The following PCNX1 variants were observed in gnomAD, a reference collection of about 807,000 sequenced individuals.
PCNX1 encodes the protein pecanex 1, also known as pecanex-like protein 1.
PCNX1 carries 78 observed loss-of-function variants against 242.2 expected under a neutral mutation model. The observed-to-expected ratio is 0.32, with a 90% CI of 0.27 to 0.39. PCNX1 has a LOEUF of 0.39. Among genes scored for constraint, PCNX1 ranks in the 10% least tolerant of loss-of-function variants. The probability of loss-of-function intolerance (pLI) is 1.00; values close to 1 mark genes in which losing one functional copy is unlikely to be tolerated. For missense variants in PCNX1, 2,581 were observed against 2,856.5 expected, an observed-to-expected ratio of 0.90 and a Z score of 2.20; for synonymous variants, 1,024 against 1,032.9, an observed-to-expected ratio of 0.99 and a Z score of 0.17.
Position 71,109,529 on chromosome 14 carries a change from C to A in PCNX1, c.6822C>A (p.Ile2274=). 6.2e-7 allele frequency: 1 copy of A among 1,613,928 alleles called. No homozygotes were observed. Among genetic ancestry groups the A allele is most frequent in the South Asian group, 1.1e-5 (1 of 91,072 alleles). ...AGCTACAGTGGCCTGATGAAGGAAT[C>A]CGGTTAAAAGCTGGGAGAAATAGCT... ...RKELQWPDEG[I]RLKAGRNSWK... is the part of the protein sequence containing the mutation. Residue 2274 remains isoleucine, a synonymous_variant, in exon 35 of 36, where the codon ATC becomes ATA. Transcript: ENST00000304743.
chr14:71,083,918 G>A (rs1049217055), intron 28 of PCNX1, among the ~76,000 whole-genome samples: 3 of 152,130 alleles, frequency 2.0e-5, no homozygotes, highest in Non-Finnish European at 1.5e-5. Flanking sequence ...ATCCTTTGGA[G>A]GAGAAAAGGC....
chr14:71,033,994 T>G lies in PCNX1; in HGVS notation c.3732T>G (p.Ser1244=). The G allele has an allele frequency of 1.2e-6, 2 of 1,609,712 alleles. No homozygotes were observed. Among genetic ancestry groups the G allele is most frequent in the South Asian group, 2.2e-5 (2 of 90,604 alleles). The change falls in exon 18 of 36, where the codon TCT becomes TCG. Residue 1244 remains serine (S), a synonymous_variant. Transcript: ENST00000304743. The part of the protein sequence containing the change: ...TEEKNPEDPL[S]EVKDPLPEKL... ...AGAAAAATCCAGAAGACCCTCTATC[T>G]GAAGTAAAAGATCCACTGCCTGAAA...
chr14:70,919,026 C>CTG (rs1295801961), intron 1 of PCNX1, among the ~76,000 whole-genome samples: 6 of 151,882 alleles, frequency 4.0e-5, no homozygotes, highest in Non-Finnish European at 8.8e-5. Context: ...GACTGCAGGC[C>CTG]TGTGCCACCA....
intron 2 of PCNX1, among the ~76,000 whole-genome samples, chr14:70,954,101 A>G (rs947815064): frequency 2.0e-5 from 3 of 152,216 alleles, no homozygotes; most frequent in African/African-American, 7.2e-5. Flanking sequence ...AGTATCAGGT[A>G]GGTTCTTAAG....
chr14:71,085,476 C>T (rs1463985341), intron 28 of PCNX1: 1 of 152,246 alleles, frequency 6.6e-6, no homozygotes, highest in Non-Finnish European at 1.5e-5. Context: ...CATAAGCAAA[C>T]ATTCAGGATC....
chr14:70,999,216 A>G (rs1311147409), intron 8 of PCNX1, among the ~76,000 whole-genome samples: 2 of 152,196 alleles, frequency 1.3e-5, no homozygotes. Flanking sequence ...ATTAAGACTA[A>G]TAAGTTGATG....
In PCNX1 at chr14:71,108,908, C is replaced by T; in HGVS notation, c.6606C>T (p.Ala2202=). The T allele has an allele frequency of 1.2e-6, 2 of 1,614,262 alleles. No individual in the cohort carries two copies. The highest frequency in any genetic ancestry group is 1.7e-6 in the Non-Finnish European group (2 of 1,180,046). The change falls in exon 34 of 36, where the codon GCC becomes GCT. Residue 2202 remains alanine, a synonymous_variant. Coordinates refer to ENST00000304743, the MANE Select transcript of PCNX1 (RefSeq NM_014982.3). ...SSSSSSQSIP[A]CKHHTLVGFL... The stretch of plus-strand genomic sequence containing the variant: ...GCAGCTCCAGCCAAAGCATCCCAGC[C>T]TGCAAACATCACACTCTCGTGGGCT...
At chr14:70,984,314 C>G (rs1337787187) in intron 6 of PCNX1, among the ~76,000 whole-genome samples, 1 of 151,366 alleles carries the variant, frequency 6.6e-6, no homozygotes, top group African/African-American at 2.4e-5. Flanking sequence ...AGATGCCAAC[C>G]ATAGCAGTAC....
intron 2 of PCNX1, among the ~76,000 whole-genome samples, chr14:70,960,851 A>G (rs1305808427): frequency 6.6e-6 from 1 of 152,110 alleles, no homozygotes; most frequent in African/African-American, 2.4e-5. Context: ...AAAAATCACA[A>G]GCATTCTTAT....
At chr14:71,096,562 A>G (rs1337737866) in intron 30 of PCNX1, among the ~76,000 whole-genome samples, 2 of 152,222 alleles carry the variant, frequency 1.3e-5, no homozygotes, top group East Asian at 3.8e-4. Flanking sequence ...CTCTACAAAG[A>G]TGGCATTCCT....
intron 8 of PCNX1, 118 bp from the exon 9 acceptor site, chr14:71,009,516 T>G (rs1437375696): frequency 2.0e-5 from 10 of 495,622 alleles, no homozygotes; most frequent in South Asian, 1.6e-4. Context: ...TAAAAAAATT[T>G]TTTTTAAAGG....
intron 22 of PCNX1, 138 bp downstream of exon 22, chr14:71,048,122 C>A: frequency 1.9e-6 from 1 of 526,586 alleles, no homozygotes; most frequent in Non-Finnish European, 3.3e-6. Flanking sequence ...TATTTAGGAG[C>A]ACATTAGAAT....
chr14:70,986,108 T>C (rs2058994530), intron 6 of PCNX1, among the ~76,000 whole-genome samples: 2 of 152,230 alleles, frequency 1.3e-5, no homozygotes, highest in Non-Finnish European at 1.5e-5. Context: ...TACTCGACTA[T>C]TCCAAATAGA....
chr14:70,925,704 G>C (rs551091543), intron 1 of PCNX1, among the ~76,000 whole-genome samples: 42 of 147,968 alleles, frequency 2.8e-4, no homozygotes, highest in African/African-American at 1.0e-3. Flanking sequence ...AATATTTATT[G>C]TGCTGTTATA....
rs770791547 is a variant in PCNX1 at position 70,977,726 on chromosome 14, G to A, written c.1389G>A (p.Gly463=). Residue 463 remains glycine (G), a synonymous_variant, in exon 6 of 36, where the codon GGG becomes GGA. Transcript: ENST00000304743. ...KIAMEASTNS[G]VHEAKDPTPS... ...CTATGGAAGCGAGTACCAACAGTGG[G>A]GTTCACGAGGCCAAGGACCCCACCC... The A allele has an allele frequency of 1.2e-6, 2 of 1,614,080 alleles. No homozygotes were observed. Among genetic ancestry groups the A allele is most frequent in the South Asian group, 2.2e-5 (2 of 91,078 alleles).
At chr14:70,962,105 G>A in intron 2 of PCNX1, 121 bp from the exon 3 acceptor site, 1 of 656,416 alleles carries the variant, frequency 1.5e-6, no homozygotes, top group African/African-American at 1.8e-5. Context: ...GCTATTTGCT[G>A]GATTAAAAAT....
intron 11 of PCNX1, among the ~76,000 whole-genome samples, chr14:71,014,789 AATAAG>A (rs1218087998): frequency 6.6e-6 from 1 of 152,100 alleles, no homozygotes; most frequent in East Asian, 1.9e-4. Flanking sequence ...ATTTTGAAGA[AATAAG>A]GAGACAAAAG....
chr14:70,943,146 T>A (rs1424223018), intron 1 of PCNX1, among the ~76,000 whole-genome samples: 1 of 152,196 alleles, frequency 6.6e-6, no homozygotes, highest in East Asian at 1.9e-4. Flanking sequence ...GAGAATGGAC[T>A]AATACAGTAA....
chr14:70,975,735 A>C (rs2058670331), intron 5 of PCNX1, among the ~76,000 whole-genome samples: 1 of 152,030 alleles, frequency 6.6e-6, no homozygotes, highest in Non-Finnish European at 1.5e-5. Flanking sequence ...TTGTCAAGCT[A>C]TATTCCAAGA....
Sources: allele counts gnomAD v4.1 joint callset (sites outside exome capture counted in the v4.1 genomes callset), GRCh38; gene constraint gnomAD v4.1.1; transcripts MANE v1.5; gene names NCBI Gene and HGNC (gene_info 2026-07-23, HGNC 2026-07-21).